The following SCO1 variants were observed in gnomAD, a reference collection of about 807,000 sequenced individuals.
SCO1 encodes the protein synthesis of cytochrome C oxidase 1.
SCO1 carries 23 observed loss-of-function variants against 34.0 expected under a neutral mutation model. That is an observed-to-expected ratio of 0.68 (90% CI 0.49 to 0.96). The LOEUF (loss-of-function observed/expected upper bound fraction) is 0.96, where lower values mean the gene tolerates loss of function less well. Ranked by LOEUF, SCO1 falls within the 40% of genes least tolerant of loss-of-function variation. SCO1 has a pLI of 0.00. For synonymous variants in SCO1, 161 were observed against 145.5 expected, an observed-to-expected ratio of 1.11 and a Z score of -0.77; for missense variants, 404 against 381.6, an observed-to-expected ratio of 1.06 and a Z score of -0.49.
Position 10,695,173 on chromosome 17 carries a change from C to T in SCO1, c.364+568G>A, listed in dbSNP as rs149558680. Among the ~76,000 whole-genome samples, 528 of 152,312 alleles carry T rather than the reference C, an allele frequency of 3.5e-3. 2 individuals are homozygous for T. The highest frequency in any genetic ancestry group is 0.012 in the African/African-American group (501 of 41,578). On this transcript the variant is annotated intron_variant, in intron 2 of 5. Transcript: ENST00000255390. ...ACAGAGGGCATGCAGTATCTACTCGCACTATGCTCCTTGCCTGATCTCTAG... is the reference window on the plus strand; with the variant it reads ...ACAGAGGGCATGCAGTATCTACTCGTACTATGCTCCTTGCCTGATCTCTAG...
chr17:10,697,375 A>G lies in SCO1; in HGVS notation c.133T>C (p.Cys45Arg). The change falls in exon 1 of 6, where the codon TGC becomes CGC. Residue 45 changes from cysteine to arginine, a missense_variant. Coordinates refer to ENST00000255390, the MANE Select transcript of SCO1 (RefSeq NM_004589.4). ...GTARVLLRQF[C>R]ARQAEAWRAS... ...CGCCACGCCTCCGCTTGCCGCGCGCAGAACTGCCTCAGCAAGACTCTCGCA... is the reference window on the plus strand; with the variant it reads ...CGCCACGCCTCCGCTTGCCGCGCGCGGAACTGCCTCAGCAAGACTCTCGCA... 2 of 1,598,866 alleles carry G rather than the reference A, an allele frequency of 1.3e-6. No homozygotes were observed. The highest frequency in any genetic ancestry group is 1.7e-6 in the Non-Finnish European group (2 of 1,172,652).
intron 5 of SCO1, among the ~76,000 whole-genome samples, chr17:10,685,781 G>A (rs1031831866): frequency 6.6e-6 from 1 of 152,176 alleles, no homozygotes; most frequent in South Asian, 2.1e-4. Flanking sequence ...TTTAAAATAA[G>A]TGTTGTTCCA....
At chr17:10,696,777 CGA>C (rs951504939) in intron 1 of SCO1, among the ~76,000 whole-genome samples, 1 of 149,594 alleles carries the variant, frequency 6.7e-6, no homozygotes, top group African/African-American at 2.5e-5. Flanking sequence ...AATTAGAACT[CGA>C]GAGAACCCCA....
chr17:10,686,925 A>G, intron 4 of SCO1, 83 bp from the exon 5 acceptor site: 1 of 867,448 alleles, frequency 1.2e-6, no homozygotes, highest in Non-Finnish European at 2.0e-6. Flanking sequence ...ATCAGTTGTA[A>G]AGCAGCTCTA....
chr17:10,696,077 A>AAAAAT (rs2074722266), intron 1 of SCO1, among the ~76,000 whole-genome samples: 1 of 149,304 alleles, frequency 6.7e-6, no homozygotes, highest in African/African-American at 2.4e-5. Flanking sequence ...TAAATAAAAA[A>AAAAAT]AAAAAAAAAA....
intron 4 of SCO1, 105 bp downstream of exon 4, chr17:10,691,767 A>G (rs1185344627): frequency 4.1e-6 from 3 of 740,186 alleles, no homozygotes; most frequent in Non-Finnish European, 7.2e-6. Flanking sequence ...AAAACTGGTG[A>G]TAATACCATT....
At chr17:10,682,033 G>A (rs1239010622) in intron 5 of SCO1, among the ~76,000 whole-genome samples, 2 of 152,124 alleles carry the variant, frequency 1.3e-5, no homozygotes, top group Non-Finnish European at 2.9e-5. Flanking sequence ...CGTAAACTCA[G>A]CATCCATTTT....
At chr17:10,693,029 G>C in intron 2 of SCO1, 68 bp from the exon 3 acceptor site, 1 of 1,337,320 alleles carries the variant, frequency 7.5e-7, no homozygotes, top group Non-Finnish European at 1.1e-6. Context: ...TCAAATACCT[G>C]ACATATGGCC....
intron 5 of SCO1, chr17:10,683,850 G>A (rs2074637491): frequency 6.6e-6 from 1 of 152,038 alleles, no homozygotes; most frequent in Non-Finnish European, 1.5e-5. Flanking sequence ...AAGCTTGCCT[G>A]TTGTTGCTGT....
rs1187914814 is a variant in SCO1, at chr17:10,673,599, G to C, written c.*7520C>G. 2 of 151,456 alleles carry C rather than the reference G, an allele frequency of 1.3e-5. No homozygotes were observed. The highest frequency in any genetic ancestry group is 3.9e-4 in the East Asian group (2 of 5,188). The allele number at this position is 151,456 out of a possible 1,614,324, so 9.4% of individuals were successfully genotyped here. ...CAGAGCCTGGGCTGACAGGGAAGCA[G>C]GCAGTTAGTCTCTCAGTCTATTGCA... On this transcript the variant is annotated 3_prime_UTR_variant, in exon 6 of 6. Coordinates refer to ENST00000255390, the MANE Select transcript of SCO1 (RefSeq NM_004589.4).
intron 1 of SCO1, among the ~76,000 whole-genome samples, chr17:10,696,082 A>T (rs1302152098): frequency 1.3e-5 from 2 of 150,260 alleles, no homozygotes; most frequent in African/African-American, 2.4e-5. Flanking sequence ...AAAAAAAAAA[A>T]AAAAAAAAAA....
chr17:10,673,896 A>G lies in SCO1; in HGVS notation c.*7223T>C, dbSNP rs1447991932. The G allele has an allele frequency of 6.6e-6, 1 of 152,240 alleles. No individual in the cohort carries two copies. The highest frequency in any genetic ancestry group is 1.5e-5 in the Non-Finnish European group (1 of 68,044). 9.4% of individuals were successfully genotyped at this position (152,240 alleles called of 1,614,324 possible). On this transcript the variant is annotated 3_prime_UTR_variant, in exon 6 of 6. Transcript: ENST00000255390. The stretch of plus-strand genomic sequence containing the variant: ...AAAATTTCAAAAGTGGGGCAATTAA[A>G]TAATTATCAGAAAATGGAATTTGTT...
At chr17:10,688,507 T>C (rs533952660) in intron 4 of SCO1, among the ~76,000 whole-genome samples, 16 of 152,326 alleles carry the variant, frequency 1.1e-4, no homozygotes, top group Middle Eastern at 3.4e-3. Flanking sequence ...AGAGTGGTGA[T>C]GCTGTGGAGG....
intron 4 of SCO1, among the ~76,000 whole-genome samples, chr17:10,689,877 G>C (rs1377379873): frequency 5.9e-5 from 9 of 152,044 alleles, no homozygotes; most frequent in Non-Finnish European, 1.0e-4. Flanking sequence ...CAGACCAATG[G>C]AACAGAATAG....
intron 5 of SCO1, among the ~76,000 whole-genome samples, chr17:10,683,060 C>A (rs1223588349): frequency 6.6e-6 from 1 of 152,190 alleles, no homozygotes; most frequent in African/African-American, 2.4e-5. Context: ...AATATATGCA[C>A]ATAGAAAACG....
chr17:10,695,492 AT>A (rs2074715559), intron 2 of SCO1: 1 of 443,634 alleles, frequency 2.3e-6, no homozygotes, highest in Non-Finnish European at 4.1e-6. Context: ...TGAAATCCAA[AT>A]ACAATCTGTA....
At position 10,681,089 on chromosome 17, in the gene SCO1, A is replaced by G. The variant is rs1486746803; in HGVS notation, c.*30T>C. On this transcript the variant is annotated 3_prime_UTR_variant, in exon 6 of 6. Coordinates refer to ENST00000255390, the MANE Select transcript of SCO1 (RefSeq NM_004589.4). ...AGACAGTTTCCTTCCTCTTAGCAAGAGAATACTGCATCCAGCAACACTGCT... is the reference window on the plus strand; with the variant it reads ...AGACAGTTTCCTTCCTCTTAGCAAGGGAATACTGCATCCAGCAACACTGCT... 2 of 1,614,032 alleles carry G rather than the reference A, an allele frequency of 1.2e-6. No homozygotes were observed. The highest frequency in any genetic ancestry group is 1.7e-6 in the Non-Finnish European group (2 of 1,179,868).
Position 10,697,446 on chromosome 17 carries a change from C to T in SCO1, c.62G>A (p.Arg21His). 3.1e-6 allele frequency: 5 copies of T among 1,612,942 alleles called. No homozygotes were observed. The highest frequency in any genetic ancestry group is 4.2e-6 in the Non-Finnish European group (5 of 1,179,752). ...VMRPLGGQLW[R>H]FLPRGLEFWG... ...AAACTCGAGTCCGCGAGGCAAGAAG[C>T]GCCAAAGTTGGCCACCCAGAGGCCG... Residue 21 changes from arginine to histidine, a missense_variant, in exon 1 of 6, where the codon CGC (arginine) becomes CAC (histidine). Coordinates refer to ENST00000255390, the MANE Select transcript of SCO1 (RefSeq NM_004589.4).
At chr17:10,691,986 T>C (rs2074693046) in intron 3 of SCO1, 22 bp from the exon 4 acceptor site, 1 of 1,517,784 alleles carries the variant, frequency 6.6e-7, no homozygotes, top group Non-Finnish European at 9.2e-7. Flanking sequence ...TTCCAATTAG[T>C]CCGTATTCAC....
Sources: allele counts gnomAD v4.1 joint callset (sites outside exome capture counted in the v4.1 genomes callset), GRCh38; gene constraint gnomAD v4.1.1; transcripts MANE v1.5; gene names NCBI Gene and HGNC (gene_info 2026-07-23, HGNC 2026-07-21).